NKAIN2: variants seen among roughly 807,000 people sequenced by gnomAD.
The protein encoded by NKAIN2 is sodium/potassium-transporting ATPase subunit beta-1-interacting protein 2.
NKAIN2 carries 14 observed loss-of-function variants against 32.6 expected under a neutral mutation model. The observed-to-expected ratio is 0.43, with a 90% CI of 0.28 to 0.67. NKAIN2 has a LOEUF of 0.67. Among genes scored for constraint, NKAIN2 ranks in the 30% least tolerant of loss-of-function variants. The pLI is 0.17. For synonymous variants in NKAIN2, 80 were observed against 87.2 expected (o/e 0.92, Z 0.46); for missense variants, 198 against 258.3 (o/e 0.77, Z 1.60).
At chr6:124,776,092 C>T (rs1198070135) in intron 4 of NKAIN2, among the ~76,000 whole-genome samples, 1 of 152,146 alleles carries the variant, frequency 6.6e-6, no homozygotes, top group Non-Finnish European at 1.5e-5. Flanking sequence ...AATCCAATTG[C>T]AGTTTGGATT....
At chr6:124,688,418 A>T (rs903860832) in intron 4 of NKAIN2, among the ~76,000 whole-genome samples, 2 of 151,922 alleles carry the variant, frequency 1.3e-5, no homozygotes, top group Non-Finnish European at 2.9e-5. Context: ...AGCCTCCCCC[A>T]TTATCAGCAT....
chr6:124,072,839 TATTC>T lies in NKAIN2; in HGVS notation c.55-210158_55-210155del, dbSNP rs1474379281. On this transcript the variant is annotated intron_variant, in intron 1 of 6. Coordinates refer to ENST00000368417, the MANE Select transcript of NKAIN2 (RefSeq NM_001040214.3). Reference sequence around the variant, plus strand: ...CACAATAATATACCTTGCATTTTGTTATTCATTCATTTTTTTCATTGATCCTTGC... The same window carrying T: ...CACAATAATATACCTTGCATTTTGTTATTCATTTTTTTCATTGATCCTTGC... Among the ~76,000 whole-genome samples the T allele has an allele frequency of 9.2e-5, 14 of 152,338 alleles. No homozygotes were observed. In the East Asian group the frequency reaches 2.5e-3, roughly 27 times the overall value.
intron 3 of NKAIN2, among the ~76,000 whole-genome samples, chr6:124,531,860 G>A (rs1014424653): frequency 6.6e-6 from 1 of 152,114 alleles, no homozygotes; most frequent in Admixed American, 6.5e-5. Context: ...TTGTACAGAC[G>A]GGGTTTCACC....
At chr6:124,605,707 C>T (rs115141007) in intron 3 of NKAIN2, among the ~76,000 whole-genome samples, 5 of 151,956 alleles carry the variant, frequency 3.3e-5, no homozygotes, top group Non-Finnish European at 5.9e-5. Context: ...AATTTCCCAT[C>T]GTAGATGATC....
chr6:124,550,515 G>A (rs1780249422), intron 3 of NKAIN2, among the ~76,000 whole-genome samples: 1 of 152,088 alleles, frequency 6.6e-6, no homozygotes, highest in Admixed American at 6.6e-5. Flanking sequence ...ACTTTTATTG[G>A]AAAATGGTAT....
intron 1 of NKAIN2, among the ~76,000 whole-genome samples, chr6:124,054,304 CA>C (rs2114840717): frequency 6.6e-6 from 1 of 152,120 alleles, no homozygotes; most frequent in Non-Finnish European, 1.5e-5. Context: ...GAAAGCCTGA[CA>C]GTGTAAAATA....
intron 4 of NKAIN2, among the ~76,000 whole-genome samples, chr6:124,759,642 CACACACACACA>C (rs1778153967): frequency 2.4e-5 from 3 of 125,698 alleles, no homozygotes; most frequent in Non-Finnish European, 1.8e-5. Context: ...CACACACACA[CACACACACACA>C]CACCCCCTAT....
intron 3 of NKAIN2, among the ~76,000 whole-genome samples, chr6:124,470,242 G>C (rs1437197908): frequency 6.6e-6 from 1 of 152,110 alleles, no homozygotes; most frequent in African/African-American, 2.4e-5. Flanking sequence ...TGAGAGACGA[G>C]GCAGGAGAAG....
chr6:124,237,075 G>A (rs776189353), intron 1 of NKAIN2, among the ~76,000 whole-genome samples: 4 of 152,142 alleles, frequency 2.6e-5, no homozygotes, highest in Non-Finnish European at 2.9e-5. Context: ...CAAGGGAACC[G>A]ACGATCATTG....
intron 4 of NKAIN2, among the ~76,000 whole-genome samples, chr6:124,760,556 C>T (rs1168414219): frequency 1.3e-5 from 2 of 152,036 alleles, no homozygotes; most frequent in Non-Finnish European, 2.9e-5. Flanking sequence ...TGCGGGAACT[C>T]AGTGTAGATA....
chr6:123,852,924 G>A (rs541632215), intron 1 of NKAIN2, among the ~76,000 whole-genome samples: 3 of 152,304 alleles, frequency 2.0e-5, no homozygotes, highest in African/African-American at 7.2e-5. Context: ...AGGCAAATAT[G>A]TGCTATTATG....
In NKAIN2 at chr6:124,727,105, A is replaced by G. The variant is rs149973884; in HGVS notation, c.475-64234A>G. 5.0e-3 allele frequency among the ~76,000 whole-genome samples: 765 copies of G among 152,290 alleles called. 4 individuals are homozygous for G. The highest frequency in any genetic ancestry group is 0.017 in the African/African-American group (710 of 41,540). ...ATTGGTGTACCTGAAAGTGAAGTGG[A>G]GAATGGAACCCAGTTGGAAAACATT... On this transcript the variant is annotated intron_variant, in intron 4 of 6. Transcript: ENST00000368417.
intron 3 of NKAIN2, among the ~76,000 whole-genome samples, chr6:124,648,086 T>C (rs1205363971): frequency 3.9e-5 from 6 of 152,118 alleles, no homozygotes; most frequent in Non-Finnish European, 7.4e-5. Flanking sequence ...CTCAAGACCA[T>C]TGCAATGGGA....
chr6:124,239,779 C>T (rs1437622879), intron 1 of NKAIN2, among the ~76,000 whole-genome samples: 1 of 152,096 alleles, frequency 6.6e-6, no homozygotes, highest in Non-Finnish European at 1.5e-5. Context: ...ACTAAATGCC[C>T]ACTGGAGAAA....
intron 1 of NKAIN2, among the ~76,000 whole-genome samples, chr6:124,021,208 G>C (rs1780848188): frequency 6.6e-6 from 1 of 151,420 alleles, no homozygotes; most frequent in Non-Finnish European, 1.5e-5. Flanking sequence ...CATTTAAAAA[G>C]TTTGATTAGT....
At chr6:124,460,235 GT>G in intron 3 of NKAIN2, among the ~76,000 whole-genome samples, 1 of 151,612 alleles carries the variant, frequency 6.6e-6, no homozygotes, top group African/African-American at 2.4e-5. Flanking sequence ...TTACTATTTA[GT>G]TTTCTAGTTC....
At chr6:124,266,620 C>G (rs1409631898) in intron 1 of NKAIN2, among the ~76,000 whole-genome samples, 1 of 152,154 alleles carries the variant, frequency 6.6e-6, no homozygotes, top group Non-Finnish European at 1.5e-5. Flanking sequence ...TACTACTTGG[C>G]TAGCCTCTCC....
At chr6:124,817,367 A>G (rs1190962503) in intron 5 of NKAIN2, among the ~76,000 whole-genome samples, 1 of 152,026 alleles carries the variant, frequency 6.6e-6, no homozygotes, top group African/African-American at 2.4e-5. Context: ...ATTGAAAGGT[A>G]TTTTATTTCC....
intron 1 of NKAIN2, among the ~76,000 whole-genome samples, chr6:124,130,129 G>A (rs1786390986): frequency 6.6e-6 from 1 of 152,168 alleles, no homozygotes; most frequent in South Asian, 2.1e-4. Context: ...AGTAGCTGCG[G>A]TTAGGATAAG....
Sources: allele counts gnomAD v4.1 joint callset (sites outside exome capture counted in the v4.1 genomes callset), GRCh38; gene constraint gnomAD v4.1.1; transcripts MANE v1.5; gene names NCBI Gene and HGNC (gene_info 2026-07-23, HGNC 2026-07-21).